Variants in SYT7 observed in about 807,000 individuals in gnomAD.
SYT7 encodes synaptotagmin-7.
A neutral mutation model predicts 75.1 loss-of-function variants in SYT7; 29 were observed. The observed-to-expected ratio is 0.39, with a 90% CI of 0.29 to 0.53. The LOEUF (loss-of-function observed/expected upper bound fraction) is 0.53. SYT7 is among the 20% of genes least tolerant of loss of function. The probability of loss-of-function intolerance (pLI) is 0.77; values close to 1 mark genes in which losing one functional copy is unlikely to be tolerated. For missense variants in SYT7, 693 were observed against 953.2 expected (o/e 0.73, Z 3.59); for synonymous variants, 376 against 401.7 (o/e 0.94, Z 0.76).
At position 61,546,146 on chromosome 11, in the gene SYT7, C is replaced by A; in HGVS notation, c.457G>T (p.Ala153Ser). 6.5e-7 allele frequency: 1 copy of A among 1,528,680 alleles called. No individual in the cohort carries two copies. The highest frequency in any genetic ancestry group is 2.5e-5 in the East Asian group (1 of 40,080). 94.7% of individuals were successfully genotyped at this position (1,528,680 alleles called of 1,614,324 possible). Residue 153 changes from alanine (A) to serine (S), a missense_variant, in exon 5 of 13, where the codon GCC becomes TCC. Ala to Ser is a moderately conservative substitution (Grantham distance 99). This residue lies in a region of SYT7 where 487 missense variants were observed against 593.2 expected (regional missense o/e 0.82). Coordinates refer to ENST00000539008, the MANE Select transcript of SYT7 (RefSeq NM_001365809.2). The surrounding 1 kb of genome is among the most constrained non-coding windows in gnomAD (Gnocchi z 7.6). Reference sequence around the variant, plus strand: ...GGGGCAGCCCCGCCGCTTCTCAAGGCGTCCTCTCCGGGTGGCGGCACCGGT... The same window carrying A: ...GGGGCAGCCCCGCCGCTTCTCAAGGAGTCCTCTCCGGGTGGCGGCACCGGT... Reference protein sequence around the residue: ...PAPVPPPGEDALRSGGAAPSE... With the variant: ...PAPVPPPGEDSLRSGGAAPSE...
At chr11:61,557,715 C>T (rs2063534356) in intron 1 of SYT7, among the ~76,000 whole-genome samples, 1 of 152,220 alleles carries the variant, frequency 6.6e-6, no homozygotes, top group Non-Finnish European at 1.5e-5. Context: ...AGCCCCTGCA[C>T]CCAGTTCACT....
chr11:61,533,815 C>G, intron 7 of SYT7: 1 of 294,284 alleles, frequency 3.4e-6, no homozygotes, highest in Non-Finnish European at 5.0e-6. Flanking sequence ...AATGTAAGCT[C>G]ATTTAGTTTA....
At chr11:61,540,828 G>C (rs1192144953) in intron 6 of SYT7, 25 of 985,386 alleles carry the variant, frequency 2.5e-5, no homozygotes, top group Non-Finnish European at 3.0e-5. Flanking sequence ...GACTCTCCAA[G>C]ATCCACGCCT....
rs1169867911 is a variant in SYT7, at chr11:61,523,719, C to T, written c.1756+108G>A. On this transcript the variant is annotated intron_variant, in intron 11 of 12. Transcript: ENST00000539008. The surrounding 1 kb of genome is among the most constrained non-coding windows in gnomAD (Gnocchi z 5.0). ...GTGAGGACTGGAGGTCGGGGTGTGGCGGGTTGGGGTGAGGACCACTGCAGA... is the reference window on the plus strand; with the variant it reads ...GTGAGGACTGGAGGTCGGGGTGTGGTGGGTTGGGGTGAGGACCACTGCAGA... The T allele has an allele frequency of 3.0e-5, 35 of 1,149,060 alleles. No individual in the cohort carries two copies. The highest frequency in any genetic ancestry group is 2.3e-4 in the Middle Eastern group (1 of 4,322). The allele number at this position is 1,149,060 out of a possible 1,614,324, so 71.2% of individuals were successfully genotyped here. A position where few individuals can be genotyped will look rare whatever the true frequency, so the allele number is the denominator to read the frequency against.
chr11:61,568,202 T>TG (rs112561322), intron 1 of SYT7, among the ~76,000 whole-genome samples: 20,674 of 151,972 alleles, frequency 0.14, 3,641 homozygotes, highest in African/African-American at 0.41. Context: ...ACCCTACAGG[T>TG]GGGGCTCTTT....
At chr11:61,567,310 G>C (rs915231591) in intron 1 of SYT7, among the ~76,000 whole-genome samples, 1 of 151,778 alleles carries the variant, frequency 6.6e-6, no homozygotes, top group African/African-American at 2.4e-5. Flanking sequence ...TCATTTACAC[G>C]GCAAATATTA....
intron 6 of SYT7, chr11:61,539,753 G>C (rs1396749808): frequency 6.6e-6 from 1 of 152,148 alleles, no homozygotes; most frequent in African/African-American, 2.4e-5. Context: ...CGAGGGTCTT[G>C]GAAAATGGGA....
chr11:61,530,073 C>T (rs2062656774), intron 8 of SYT7, among the ~76,000 whole-genome samples: 4 of 152,232 alleles, frequency 2.6e-5, no homozygotes. Flanking sequence ...ACGTGGAACA[C>T]AGCTGGAACA....
chr11:61,518,556 G>T lies in SYT7; in HGVS notation c.*71C>A. On this transcript the variant is annotated 3_prime_UTR_variant, in exon 13 of 13. Coordinates refer to ENST00000539008, the MANE Select transcript of SYT7 (RefSeq NM_001365809.2). ...CTATGGCAGGGGGCTCAGGCCGGGC[G>T]TTGTGCATAAAGTGGTGAGGGCATG... The T allele has an allele frequency of 8.7e-7, 1 of 1,144,570 alleles. No individual in the cohort carries two copies. The highest frequency in any genetic ancestry group is 1.2e-6 in the Non-Finnish European group (1 of 823,440). 70.9% of individuals were successfully genotyped at this position (1,144,570 alleles called of 1,614,324 possible). A position where few individuals can be genotyped will look rare whatever the true frequency, so the allele number is the denominator to read the frequency against.
At chr11:61,541,105 G>A (rs1336325958) in intron 6 of SYT7, 24 of 985,504 alleles carry the variant, frequency 2.4e-5, no homozygotes, top group Non-Finnish European at 2.9e-5. Flanking sequence ...CATCTGCCCG[G>A]GAAGCCCTGG....
Position 61,517,141 on chromosome 11 carries a change from CGTG to C in SYT7, c.*1483_*1485del. 1 of 397,480 alleles carries C rather than the reference CGTG, an allele frequency of 2.5e-6. No homozygotes were observed. The highest frequency in any genetic ancestry group is 1.4e-4 in the South Asian group (1 of 7,174). The allele number at this position is 397,480 out of a possible 1,614,324, so 24.6% of individuals were successfully genotyped here. On this transcript the variant is annotated 3_prime_UTR_variant, in exon 13 of 13. Coordinates refer to ENST00000539008, the MANE Select transcript of SYT7 (RefSeq NM_001365809.2). Reference sequence around the variant, plus strand: ...GTTCTGGGAATGTCAGGCCCAGGCTCGTGGACCCCCAGGATTGGAGGCTTTGTC... The same window carrying C: ...GTTCTGGGAATGTCAGGCCCAGGCTCGACCCCCAGGATTGGAGGCTTTGTC...
intron 1 of SYT7, among the ~76,000 whole-genome samples, chr11:61,575,889 G>T (rs1012726533): frequency 6.6e-6 from 1 of 152,092 alleles, no homozygotes; most frequent in African/African-American, 2.4e-5. Flanking sequence ...CCCTGCCTCC[G>T]CCCTCCCCTT....
At chr11:61,583,904 G>A (rs1438589042), upstream of SYT7, among the ~76,000 whole-genome samples, 2 of 152,200 alleles carry the variant, frequency 1.3e-5, no homozygotes, top group Non-Finnish European at 2.9e-5. Flanking sequence ...CAGTCACTTT[G>A]TTTAGGGGAC....
chr11:61,523,871 A>C lies in SYT7; in HGVS notation c.1712T>G (p.Ile571Ser). The change falls in exon 11 of 13, where the codon ATC becomes AGC. Residue 571 changes from isoleucine to serine, a missense_variant. This residue lies in a region of SYT7 where 206 missense variants were observed against 360.0 expected (regional missense o/e 0.57). Transcript: ENST00000539008. The surrounding 1 kb of genome is among the most constrained non-coding windows in gnomAD (Gnocchi z 5.0). ...PSANSIIVNI[I>S]KARNLKAMDI... ...CATGGCTTTGAGGTTCCGGGCTTTGATGATGTTCACGATGATGGAGTTGGC... is the reference window on the plus strand; with the variant it reads ...CATGGCTTTGAGGTTCCGGGCTTTGCTGATGTTCACGATGATGGAGTTGGC... The C allele has an allele frequency of 6.2e-7, 1 of 1,613,940 alleles. No homozygotes were observed. The highest frequency in any genetic ancestry group is 8.5e-7 in the Non-Finnish European group (1 of 1,179,944).
intron 1 of SYT7, among the ~76,000 whole-genome samples, chr11:61,579,022 G>A (rs1406897588): frequency 1.3e-5 from 2 of 152,220 alleles, no homozygotes; most frequent in Non-Finnish European, 1.5e-5. Flanking sequence ...CCTCCGTGGT[G>A]AGGGCAGAGG....
chr11:61,558,375 A>G (rs2063548564), intron 1 of SYT7, among the ~76,000 whole-genome samples: 1 of 150,516 alleles, frequency 6.6e-6, no homozygotes, highest in Admixed American at 6.6e-5. Flanking sequence ...CTTGGCTTGA[A>G]CTCTGGCATG....
Position 61,523,805 on chromosome 11 carries a change from C to G in SYT7, c.1756+22G>C. The G allele has an allele frequency of 1.9e-6, 3 of 1,610,102 alleles. No individual in the cohort carries two copies. The highest frequency in any genetic ancestry group is 2.5e-6 in the Non-Finnish European group (3 of 1,176,484). On this transcript the variant is annotated intron_variant, in intron 11 of 12. Coordinates refer to ENST00000539008, the MANE Select transcript of SYT7 (RefSeq NM_001365809.2). This position sits in a 1 kb window ranked among gnomAD's most constrained non-coding sequence, Gnocchi z 5.0. ...CCAGCACCTCCCCGGCCCGCCCATC[C>G]TCTGCTGGAGAAGCCCCGTACCTGA... is the stretch of plus-strand genomic sequence containing the variant.
chr11:61,538,329 G>C (rs2062930442), intron 6 of SYT7, 63 bp from the exon 7 acceptor site: 5 of 1,380,930 alleles, frequency 3.6e-6, no homozygotes, highest in Admixed American at 2.1e-5. Context: ...GCGGGGGCAG[G>C]GGGGAAGGAG....
chr11:61,564,485 T>C (rs1222879636), intron 1 of SYT7, among the ~76,000 whole-genome samples: 1 of 152,212 alleles, frequency 6.6e-6, no homozygotes, highest in Non-Finnish European at 1.5e-5. Flanking sequence ...AATACTCTTA[T>C]GCCCATTTTA....
Sources: gnomAD v4.1 joint callset for allele counts (sites outside exome capture counted in the v4.1 genomes callset) on GRCh38, gnomAD v4.1.1 for gene constraint, gnomAD v4.1.1 regional missense constraint, Gnocchi (gnomAD v3.1) non-coding constraint, MANE v1.5 for transcripts, NCBI Gene and HGNC (gene_info 2026-07-23, HGNC 2026-07-21) for gene names.